MSI2: variants seen among roughly 807,000 people sequenced by gnomAD.
MSI2 encodes musashi RNA binding protein 2.
A neutral mutation model predicts 45.6 loss-of-function variants in MSI2; 17 were observed. The ratio of observed to expected loss-of-function variants is 0.37; its 90% CI spans 0.26 to 0.56. The LOEUF (loss-of-function observed/expected upper bound fraction) is 0.56, where lower values mean the gene tolerates loss of function less well. MSI2 is among the 20% of genes least tolerant of loss of function. The pLI, the probability that MSI2 is intolerant of heterozygous loss-of-function variation, is 0.77. For synonymous variants in MSI2, 156 were observed against 158.2 expected, an observed-to-expected ratio of 0.99 and a Z score of 0.11; for missense variants, 293 against 444.2, an observed-to-expected ratio of 0.66 and a Z score of 3.06.
intron 7 of MSI2, among the ~76,000 whole-genome samples, chr17:57,583,916 G>A (rs985520592): frequency 6.6e-6 from 1 of 152,206 alleles, no homozygotes; most frequent in African/African-American, 2.4e-5. Flanking sequence ...TCTGATGTAA[G>A]ACTCACTACT....
At chr17:57,319,268 C>A (rs1184584169) in intron 5 of MSI2, among the ~76,000 whole-genome samples, 1 of 152,330 alleles carries the variant, frequency 6.6e-6, no homozygotes, top group South Asian at 2.1e-4. Context: ...GTTATCATTT[C>A]TATCTCTTCA....
intron 6 of MSI2, among the ~76,000 whole-genome samples, chr17:57,458,690 CA>C (rs1202258868): frequency 2.6e-5 from 4 of 152,176 alleles, no homozygotes; most frequent in African/African-American, 4.8e-5. Flanking sequence ...CTGCTCGGCC[CA>C]TAACTCAGAT....
intron 7 of MSI2, among the ~76,000 whole-genome samples, chr17:57,594,898 G>A (rs1287609867): frequency 6.6e-6 from 1 of 152,182 alleles, no homozygotes; most frequent in Admixed American, 6.5e-5. Flanking sequence ...AGGCTGGACT[G>A]TGTATGCTGG....
In MSI2 at chr17:57,611,144, A is replaced by C. The variant is rs1406411049; in HGVS notation, c.538-4826A>C. On this transcript the variant is annotated intron_variant, in intron 8 of 13. Coordinates refer to ENST00000284073, the MANE Select transcript of MSI2 (RefSeq NM_138962.4). ...TATTTGAAACAGTAGCAGCAGTAGCAGCAGCCACTGTGAGAAGCCGTTGGT... is the reference window on the plus strand; with the variant it reads ...TATTTGAAACAGTAGCAGCAGTAGCCGCAGCCACTGTGAGAAGCCGTTGGT... Among the ~76,000 whole-genome samples, 9 of 96,116 alleles carry C rather than the reference A, an allele frequency of 9.4e-5. 3 individuals are homozygous for C. The East Asian group carries it at 2.4e-3, about 25-fold the overall frequency. The allele number at this position is 96,116 out of a possible 152,430, so 63.1% of individuals were successfully genotyped here.
intron 6 of MSI2, among the ~76,000 whole-genome samples, chr17:57,519,464 G>A (rs77177567): frequency 0.017 from 2,641 of 152,218 alleles, 50 homozygotes; most frequent in Non-Finnish European, 0.028. Context: ...CCTGGACTGC[G>A]TTCCAGAGCC....
At chr17:57,388,934 G>A (rs116853700) in intron 5 of MSI2, among the ~76,000 whole-genome samples, 5,292 of 150,732 alleles carry the variant, frequency 0.035, 115 homozygotes, top group Non-Finnish European at 0.044. Flanking sequence ...GATGACAGGC[G>A]TGAGCTACAG....
intron 5 of MSI2, among the ~76,000 whole-genome samples, chr17:57,298,587 G>T (rs1298783206): frequency 6.6e-6 from 1 of 152,110 alleles, no homozygotes; most frequent in Non-Finnish European, 1.5e-5. Context: ...CCTGAGCCTG[G>T]GAGTTGGAGG....
intron 11 of MSI2, among the ~76,000 whole-genome samples, chr17:57,654,735 G>A (rs1911458931): frequency 1.3e-5 from 2 of 152,152 alleles, no homozygotes; most frequent in Admixed American, 1.3e-4. Context: ...GACATTCAGG[G>A]AGAGTCTGTT....
At chr17:57,613,658 T>G (rs1164525402) in intron 8 of MSI2, among the ~76,000 whole-genome samples, 1 of 152,200 alleles carries the variant, frequency 6.6e-6, no homozygotes, top group African/African-American at 2.4e-5. Flanking sequence ...CATCAAACAA[T>G]GCTTTCATCA....
chr17:57,283,300 A>G (rs894502062), intron 5 of MSI2, among the ~76,000 whole-genome samples: 1 of 152,180 alleles, frequency 6.6e-6, no homozygotes, highest in Admixed American at 6.5e-5. Flanking sequence ...GCACAGGGTC[A>G]GTCAGTAATG....
chr17:57,696,826 G>T, the MSI2 span, among the ~76,000 whole-genome samples: 1 of 152,160 alleles, frequency 6.6e-6, no homozygotes, highest in Non-Finnish European at 1.5e-5. Context: ...GGGGTGATGT[G>T]ATCAGCTATC....
intron 6 of MSI2, among the ~76,000 whole-genome samples, chr17:57,515,278 G>A (rs1031494754): frequency 6.6e-5 from 10 of 152,158 alleles, no homozygotes; most frequent in South Asian, 4.2e-4. Flanking sequence ...ATCTCGGCTC[G>A]CCGCAACCTC....
chr17:57,614,908 A>C (rs1368936022), intron 8 of MSI2, among the ~76,000 whole-genome samples: 1 of 152,178 alleles, frequency 6.6e-6, no homozygotes, highest in Non-Finnish European at 1.5e-5. Context: ...GAAGGGAAAC[A>C]GAAAGGGGAG....
Position 57,262,210 on chromosome 17 carries a change from C to T in MSI2, c.312+18C>T, listed in dbSNP as rs756342396. On this transcript the variant is annotated intron_variant, in intron 5 of 13. Coordinates refer to ENST00000284073, the MANE Select transcript of MSI2 (RefSeq NM_138962.4). ...AACCCAAGGTAAGTAGGAGAATAAA[C>T]AGTAGGATTTTAGCACTCAGAGATG... 7 of 1,613,488 alleles carry T rather than the reference C, an allele frequency of 4.3e-6. No individual in the cohort carries two copies. Among genetic ancestry groups the T allele is most frequent in the East Asian group, 2.2e-5 (1 of 44,894 alleles).
chr17:57,650,203 C>G (rs970857017), intron 10 of MSI2, among the ~76,000 whole-genome samples: 2 of 151,982 alleles, frequency 1.3e-5, no homozygotes, highest in Non-Finnish European at 2.9e-5. Flanking sequence ...TCCCCTCCCC[C>G]ACTTCGTTCC....
intron 10 of MSI2, among the ~76,000 whole-genome samples, chr17:57,643,666 T>C (rs1910423414): frequency 6.6e-6 from 1 of 152,268 alleles, no homozygotes; most frequent in South Asian, 2.1e-4. Context: ...CAGTCAGAGG[T>C]GTCCTGACAG....
chr17:57,612,017 G>A lies in MSI2; in HGVS notation c.538-3953G>A, dbSNP rs916818231. ...ATAGCCTAAGTACATGACTAGAACC[G>A]AAAAGATAGACCACTTTTTACCCTT... On this transcript the variant is annotated intron_variant, in intron 8 of 13. Transcript: ENST00000284073. 6.3e-5 allele frequency among the ~76,000 whole-genome samples: 6 copies of A among 95,868 alleles called. 3 individuals carry two copies. The highest frequency in any genetic ancestry group is 1.0e-4 in the Non-Finnish European group (4 of 39,906). The allele number at this position is 95,868 out of a possible 152,430, so 62.9% of individuals were successfully genotyped here. A position where few individuals can be genotyped will look rare whatever the true frequency, so the allele number is the denominator to read the frequency against.
rs1309353283 is a variant in MSI2 at position 57,615,987 on chromosome 17, T to C, written c.555T>C (p.Ala185=). Residue 185 remains alanine (A), a synonymous_variant, in exon 9 of 14, where the codon GCT becomes GCC. Transcript: ENST00000284073. ...TTTAACAGGTAGAATGTAAGAAAGCTCAGCCGAAAGAAGTCATGTTCCCAC... is the reference window on the plus strand; with the variant it reads ...TTTAACAGGTAGAATGTAAGAAAGCCCAGCCGAAAGAAGTCATGTTCCCAC... ...INNKMVECKK[A]QPKEVMFPPG... is the part of the protein sequence containing the mutation. 6.2e-7 allele frequency: 1 copy of C among 1,614,040 alleles called. No homozygotes were observed. Among genetic ancestry groups the C allele is most frequent in the Non-Finnish European group, 8.5e-7 (1 of 1,179,924 alleles).
chr17:57,549,377 C>T (rs919671256), intron 7 of MSI2, among the ~76,000 whole-genome samples: 1 of 146,364 alleles, frequency 6.8e-6, no homozygotes, highest in African/African-American at 2.6e-5. Flanking sequence ...GGGCTGCTGT[C>T]CGGCAACTAA....
Sources: gnomAD v4.1 joint callset for allele counts (sites outside exome capture counted in the v4.1 genomes callset) on GRCh38, gnomAD v4.1.1 for gene constraint, MANE v1.5 for transcripts, NCBI Gene and HGNC (gene_info 2026-07-23, HGNC 2026-07-21) for gene names.